Variants in ITPR2 observed in about 807,000 individuals in gnomAD.
ITPR2 encodes the protein inositol 1,4,5-trisphosphate receptor type 2.
In ITPR2, 207 loss-of-function variants were observed where a neutral mutation model predicts 317.1. The ratio of observed to expected loss-of-function variants is 0.65; its 90% confidence interval spans 0.58 to 0.73. The LOEUF is 0.73. Among genes scored for constraint, ITPR2 ranks in the 30% least tolerant of loss-of-function variants. The pLI is 0.00. For missense variants in ITPR2, 2,613 were observed against 3,284.0 expected (o/e 0.80, Z 4.99); for synonymous variants, 1,156 against 1,149.1 (o/e 1.01, Z -0.12).
chr12:26,632,784 C>G (rs1423065575), intron 21 of ITPR2, among the ~76,000 whole-genome samples: 1 of 152,206 alleles, frequency 6.6e-6, no homozygotes, highest in East Asian at 1.9e-4. Flanking sequence ...CCGTCTCTTT[C>G]TGAATTTGGC....
At chr12:26,426,216 C>A (rs1941057664) in intron 49 of ITPR2, among the ~76,000 whole-genome samples, 3 of 151,852 alleles carry the variant, frequency 2.0e-5, no homozygotes, top group Admixed American at 6.6e-5. Context: ...TTCATGTCTT[C>A]TTGAGGGCCA....
intron 9 of ITPR2, among the ~76,000 whole-genome samples, chr12:26,707,556 G>T (rs545323029): frequency 6.6e-6 from 1 of 152,148 alleles, no homozygotes; most frequent in East Asian, 1.9e-4. Flanking sequence ...TTTTGAGACA[G>T]AGTCTTGTTC....
chr12:26,584,093 T>A (rs886560516), intron 32 of ITPR2, among the ~76,000 whole-genome samples: 2 of 152,090 alleles, frequency 1.3e-5, no homozygotes, highest in African/African-American at 4.8e-5. Context: ...AATAGACAAA[T>A]TAATAAATAT....
chr12:26,716,022 G>T, intron 6 of ITPR2, 122 bp downstream of exon 6: 1 of 732,316 alleles, frequency 1.4e-6, no homozygotes, highest in Non-Finnish European at 2.3e-6. Context: ...GTACCTTAGG[G>T]ATATTAATTA....
At chr12:26,373,242 G>A (rs927050228) in intron 55 of ITPR2, among the ~76,000 whole-genome samples, 1 of 152,200 alleles carries the variant, frequency 6.6e-6, no homozygotes, top group African/African-American at 2.4e-5. Context: ...AGAGTTATCA[G>A]AATTTTAGAA....
At chr12:26,668,401 A>G (rs1184693187) in intron 13 of ITPR2, among the ~76,000 whole-genome samples, 3 of 152,240 alleles carry the variant, frequency 2.0e-5, no homozygotes, top group African/African-American at 7.2e-5. Context: ...CCCAGCCACC[A>G]GCAATCTCCA....
At position 26,712,974 on chromosome 12, in the gene ITPR2, C is replaced by A. The variant is rs374516703; in HGVS notation, c.856-1706G>T. Among the ~76,000 whole-genome samples the A allele has an allele frequency of 1.1e-4, 16 of 152,358 alleles. No homozygotes were observed. In the East Asian group the frequency reaches 3.1e-3, roughly 29 times the overall value. ...CCAGCCCCACCCTGCTAAGTGCTCC[C>A]CTGCATCACAGGGGCTGAAAGCCTC... On this transcript the variant is annotated intron_variant, in intron 8 of 56. Transcript: ENST00000381340.
chr12:26,475,463 T>C (rs1326098007), intron 44 of ITPR2, 45 bp from the exon 45 acceptor site: 1 of 1,584,896 alleles, frequency 6.3e-7, no homozygotes, highest in African/African-American at 1.4e-5. Flanking sequence ...AAACAACATC[T>C]GCTTTATATT....
rs573857554 is a variant in ITPR2, at chr12:26,806,458, T to C, written c.93-16231A>G. 7.9e-5 allele frequency among the ~76,000 whole-genome samples: 12 copies of C among 152,176 alleles called. No homozygotes were observed. In the South Asian group the frequency reaches 1.9e-3, roughly 24 times the overall value. ...CTTACAGTACACTGTTTGTTACACATTAATTTATATTCACTCATCCTTTTT... is the reference window on the plus strand; with the variant it reads ...CTTACAGTACACTGTTTGTTACACACTAATTTATATTCACTCATCCTTTTT... On this transcript the variant is annotated intron_variant, in intron 1 of 56. Coordinates refer to ENST00000381340, the MANE Select transcript of ITPR2 (RefSeq NM_002223.4).
chr12:26,729,188 CG>C (rs1948987529), intron 2 of ITPR2, among the ~76,000 whole-genome samples: 2 of 152,064 alleles, frequency 1.3e-5, no homozygotes, highest in East Asian at 3.9e-4. Flanking sequence ...AACATACATG[CG>C]GCCAACAATC....
chr12:26,624,632 T>C (rs1946578921), intron 23 of ITPR2, among the ~76,000 whole-genome samples: 2 of 152,102 alleles, frequency 1.3e-5, no homozygotes, highest in Admixed American at 6.6e-5. Context: ...TGAGATATCA[T>C]CTCACCCCAG....
intron 1 of ITPR2, among the ~76,000 whole-genome samples, chr12:26,825,126 C>T (rs1189496608): frequency 2.0e-5 from 3 of 151,978 alleles, no homozygotes; most frequent in Non-Finnish European, 2.9e-5. Context: ...CCAGCTACTC[C>T]GAAAATTGAG....
chr12:26,521,417 G>GCGTTT (rs1943662086), intron 37 of ITPR2, among the ~76,000 whole-genome samples: 1 of 152,116 alleles, frequency 6.6e-6, no homozygotes, highest in South Asian at 2.1e-4. Flanking sequence ...AATTAAGAAT[G>GCGTTT]CGTTTCTAGA....
chr12:26,695,791 A>G, intron 9 of ITPR2, 141 bp from the exon 10 acceptor site: 2 of 624,516 alleles, frequency 3.2e-6, no homozygotes, highest in Non-Finnish European at 5.7e-6. Context: ...ATTAGTAAAT[A>G]TGACAATTTA....
chr12:26,458,438 T>C (rs575424956), intron 45 of ITPR2, among the ~76,000 whole-genome samples: 1 of 152,148 alleles, frequency 6.6e-6, no homozygotes, highest in Admixed American at 6.5e-5. Flanking sequence ...GAAAGGAAAA[T>C]ACCAGGGCCT....
At chr12:26,344,878 T>A (rs1390071835) in intron 55 of ITPR2, among the ~76,000 whole-genome samples, 1 of 152,202 alleles carries the variant, frequency 6.6e-6, no homozygotes, top group Admixed American at 6.5e-5. Context: ...AGTCCTGTCA[T>A]CTTTTCTCTT....
intron 45 of ITPR2, among the ~76,000 whole-genome samples, chr12:26,468,567 A>AG (rs1189003217): frequency 5.9e-5 from 5 of 84,464 alleles, no homozygotes; most frequent in African/African-American, 1.6e-4. Flanking sequence ...ATATAGAAAC[A>AG]GAAAAAAAAA....
At position 26,833,096 on chromosome 12, in the gene ITPR2, T is replaced by G; in HGVS notation, c.-315A>C. 2 of 318,622 alleles carry G rather than the reference T, an allele frequency of 6.3e-6. No homozygotes were observed. The allele number at this position is 318,622 out of a possible 1,614,324, so 19.7% of individuals were successfully genotyped here. ...TTCTGAAGTTTTCTCTCCAACACCTTTGCTCCTCCTCCTCCTCCTTCCCTC... is the reference window on the plus strand; with the variant it reads ...TTCTGAAGTTTTCTCTCCAACACCTGTGCTCCTCCTCCTCCTCCTTCCCTC... On this transcript the variant is annotated 5_prime_UTR_variant, in exon 1 of 57. Coordinates refer to ENST00000381340, the MANE Select transcript of ITPR2 (RefSeq NM_002223.4).
Position 26,775,789 on chromosome 12 carries a change from G to A in ITPR2, c.163+14368C>T, listed in dbSNP as rs147373924. Among the ~76,000 whole-genome samples the A allele has an allele frequency of 5.1e-3, 766 of 151,664 alleles. 5 individuals are homozygous for A. The highest frequency in any genetic ancestry group is 0.018 in the African/African-American group (730 of 41,410). ...CCAGCTTACATCTTTCTCCTGTGCT[G>A]GATGCTTCCTGCCATTGAACATTGG... On this transcript the variant is annotated intron_variant, in intron 2 of 56. Transcript: ENST00000381340.
Sources: allele counts gnomAD v4.1 joint callset (sites outside exome capture counted in the v4.1 genomes callset), GRCh38; gene constraint gnomAD v4.1.1; transcripts MANE v1.5; gene names NCBI Gene and HGNC (gene_info 2026-07-23, HGNC 2026-07-21).